The following ABCC4 variants were observed in gnomAD, a reference collection of about 807,000 sequenced individuals.
ABCC4 encodes ATP binding cassette subfamily C member 4 (PEL blood group).
ABCC4 carries 102 observed loss-of-function variants against 168.5 expected under a neutral mutation model. The observed-to-expected ratio is 0.61, with a 90% confidence interval of 0.52 to 0.71. The LOEUF (loss-of-function observed/expected upper bound fraction) is 0.71, where lower values mean the gene tolerates loss of function less well. Among genes scored for constraint, ABCC4 ranks in the 30% least tolerant of loss-of-function variants. The pLI, the probability that ABCC4 is intolerant of heterozygous loss-of-function variation, is 0.00. For synonymous variants in ABCC4, 617 were observed against 590.7 expected (o/e 1.04, Z -0.65); for missense variants, 1,402 against 1,605.8 (o/e 0.87, Z 2.17).
Position 95,280,591 on chromosome 13 carries a change from AAAAC to A in ABCC4, c.74+20646_74+20649del, listed in dbSNP as rs2041095017. Among the ~76,000 whole-genome samples, 9 of 150,430 alleles carry A rather than the reference AAAAC, an allele frequency of 6.0e-5. No individual in the cohort carries two copies. In the Admixed American group the frequency reaches 6.0e-4, roughly 10 times the overall value. ...TTCTATTAAAAAAAAAAAAAAAAAA[AAAAC>A]CATCCAATTCCCAGAAGTCAAAGGC... On this transcript the variant is annotated intron_variant, in intron 1 of 30. Transcript: ENST00000645237.
chr13:95,288,423 T>C (rs2041313950), intron 1 of ABCC4, among the ~76,000 whole-genome samples: 1 of 152,204 alleles, frequency 6.6e-6, no homozygotes, highest in Non-Finnish European at 1.5e-5. Flanking sequence ...TCTGCCTTAA[T>C]AGAGCTAACA....
intron 1 of ABCC4, among the ~76,000 whole-genome samples, chr13:95,300,677 G>T (rs1426224557): frequency 6.6e-6 from 1 of 152,112 alleles, no homozygotes; most frequent in Admixed American, 6.6e-5. Flanking sequence ...GTCTCGTAAG[G>T]AATATCGGAA....
At chr13:95,268,822 G>A (rs2040758623) in intron 1 of ABCC4, among the ~76,000 whole-genome samples, 1 of 152,036 alleles carries the variant, frequency 6.6e-6, no homozygotes, top group African/African-American at 2.4e-5. Context: ...AATACTGAGG[G>A]AACTCAGAGA....
chr13:95,071,870 A>G lies in ABCC4; in HGVS notation c.3019-17T>C. 1 of 1,480,034 alleles carries G rather than the reference A, an allele frequency of 6.8e-7. No homozygotes were observed. The highest frequency in any genetic ancestry group is 9.0e-7 in the Non-Finnish European group (1 of 1,114,390). 91.7% of individuals were successfully genotyped at this position (1,480,034 alleles called of 1,614,324 possible). A position where few individuals can be genotyped will look rare whatever the true frequency, so the allele number is the denominator to read the frequency against. On this transcript the variant is annotated splice_polypyrimidine_tract_variant and intron_variant, in intron 24 of 30. Coordinates refer to ENST00000645237, the MANE Select transcript of ABCC4 (RefSeq NM_005845.5). ...TGAGATCATCTGAAAGAAATATGAC[A>G]TCCCGAGGGGTTAGGAATGGAGGGT...
At chr13:95,224,879 T>TTTC (rs1413005304) in intron 4 of ABCC4, among the ~76,000 whole-genome samples, 1 of 152,170 alleles carries the variant, frequency 6.6e-6, no homozygotes, top group Non-Finnish European at 1.5e-5. Context: ...AAACTATTTT[T>TTTC]TTCTTCTTTT....
chr13:95,170,710 T>A (rs2037440740), intron 13 of ABCC4, 82 bp from the exon 14 acceptor site: 1 of 806,952 alleles, frequency 1.2e-6, no homozygotes, highest in African/African-American at 1.7e-5. Context: ...GAAACCGTAG[T>A]CAAAGACAAC....
At chr13:95,110,278 C>T (rs921833236) in intron 20 of ABCC4, among the ~76,000 whole-genome samples, 13 of 136,832 alleles carry the variant, frequency 9.5e-5, no homozygotes, top group Non-Finnish European at 1.4e-4. Context: ...CACTGCACTC[C>T]AGCCTGGGTG....
chr13:95,300,169 C>T (rs1370215312), intron 1 of ABCC4, among the ~76,000 whole-genome samples: 1 of 152,106 alleles, frequency 6.6e-6, no homozygotes, highest in Non-Finnish European at 1.5e-5. Flanking sequence ...TACTGTCACC[C>T]GAGTCTTTCT....
At chr13:95,235,452 T>C (rs2039739180) in intron 3 of ABCC4, among the ~76,000 whole-genome samples, 1 of 151,996 alleles carries the variant, frequency 6.6e-6, no homozygotes, top group African/African-American at 2.4e-5. Context: ...AGGAAAAAAA[T>C]GGCCCAAGAG....
intron 13 of ABCC4, among the ~76,000 whole-genome samples, chr13:95,174,597 T>C (rs2037599306): frequency 6.6e-6 from 1 of 152,218 alleles, no homozygotes; most frequent in Admixed American, 6.5e-5. Context: ...ATACCTCCTG[T>C]GTTCAAATGA....
At chr13:95,201,324 G>A (rs2038618621) in intron 8 of ABCC4, among the ~76,000 whole-genome samples, 1 of 152,080 alleles carries the variant, frequency 6.6e-6, no homozygotes, top group South Asian at 2.1e-4. Flanking sequence ...GCTGCATATT[G>A]GACCACAATT....
intron 20 of ABCC4, among the ~76,000 whole-genome samples, chr13:95,100,628 G>T (rs952192081): frequency 6.6e-6 from 1 of 152,164 alleles, no homozygotes; most frequent in African/African-American, 2.4e-5. Flanking sequence ...ACTTTAATGT[G>T]GCAGTTGGCA....
intron 20 of ABCC4, among the ~76,000 whole-genome samples, chr13:95,113,119 A>G (rs1233417436): frequency 1.3e-5 from 2 of 152,192 alleles, no homozygotes; most frequent in Non-Finnish European, 2.9e-5. Flanking sequence ...TGGCTCTAGA[A>G]ATAAATTTTA....
intron 1 of ABCC4, among the ~76,000 whole-genome samples, chr13:95,252,812 G>A (rs2040300059): frequency 6.6e-6 from 1 of 152,194 alleles, no homozygotes; most frequent in Non-Finnish European, 1.5e-5. Flanking sequence ...CTCGGACTGG[G>A]GGGACTACTG....
intron 1 of ABCC4, among the ~76,000 whole-genome samples, chr13:95,252,027 C>T (rs9524864): frequency 0.36 from 55,149 of 152,024 alleles, 12,403 homozygotes; most frequent in Non-Finnish European, 0.5. Context: ...CACCTTTAGT[C>T]ATTTAGTAGC....
At chr13:95,267,929 G>A (rs887723473) in intron 1 of ABCC4, among the ~76,000 whole-genome samples, 2 of 152,100 alleles carry the variant, frequency 1.3e-5, no homozygotes, top group East Asian at 1.9e-4. Context: ...CAATCGTGCC[G>A]ATGTAATGAA....
chr13:95,108,290 T>C (rs900338691), intron 20 of ABCC4, among the ~76,000 whole-genome samples: 1 of 152,154 alleles, frequency 6.6e-6, no homozygotes, highest in Non-Finnish European at 1.5e-5. Context: ...TATAGGGAGA[T>C]GGGTGGGCAC....
chr13:95,229,268 G>A (rs2039551427), intron 4 of ABCC4, among the ~76,000 whole-genome samples: 1 of 152,060 alleles, frequency 6.6e-6, no homozygotes, highest in South Asian at 2.1e-4. Context: ...AATGATAAAG[G>A]AAAACTAGAA....
intron 27 of ABCC4, among the ~76,000 whole-genome samples, chr13:95,048,024 A>T (rs114478154): frequency 2.0e-3 from 298 of 152,348 alleles, no homozygotes; most frequent in African/African-American, 6.9e-3. Flanking sequence ...GTATGAAGTC[A>T]CAAGGATACC....
Sources: allele counts gnomAD v4.1 joint callset (sites outside exome capture counted in the v4.1 genomes callset), GRCh38; gene constraint gnomAD v4.1.1; transcripts MANE v1.5; gene names NCBI Gene and HGNC (gene_info 2026-07-23, HGNC 2026-07-21).